Variants in PDZD2 observed in about 807,000 individuals in gnomAD.
PDZD2 encodes PDZ domain containing 2.
Under a neutral mutation model 220.7 loss-of-function variants are expected in PDZD2, and 90 were observed. That is an observed-to-expected ratio of 0.41 (90% CI 0.34 to 0.49). PDZD2 has a LOEUF of 0.49. Among genes scored for constraint, PDZD2 ranks in the 20% least tolerant of loss-of-function variants. The pLI is 0.28. For synonymous variants in PDZD2, 1,375 were observed against 1,450.5 expected (o/e 0.95, Z 1.18); for missense variants, 3,174 against 3,608.5 (o/e 0.88, Z 3.08).
chr5:31,667,118 C>A (rs1328166750), intron 1 of PDZD2, among the ~76,000 whole-genome samples: 1 of 151,752 alleles, frequency 6.6e-6, no homozygotes, highest in Non-Finnish European at 1.5e-5. Flanking sequence ...CGCCTGTAGT[C>A]CCAGCTACTC....
chr5:31,948,461 T>G (rs1746860623), intron 2 of PDZD2, among the ~76,000 whole-genome samples: 1 of 152,182 alleles, frequency 6.6e-6, no homozygotes, highest in African/African-American at 2.4e-5. Flanking sequence ...AGCAAAGAGA[T>G]ATCCCTAGAA....
At chr5:32,101,438 A>G (rs932842364) in intron 24 of PDZD2, among the ~76,000 whole-genome samples, 199 bp downstream of exon 24, 2 of 152,226 alleles carry the variant, frequency 1.3e-5, no homozygotes, top group Non-Finnish European at 1.5e-5. Context: ...GGGTGTCATC[A>G]TTATCCCTAT....
intron 1 of PDZD2, among the ~76,000 whole-genome samples, chr5:31,656,953 C>T (rs867965382): frequency 5.9e-5 from 9 of 152,192 alleles, no homozygotes; most frequent in East Asian, 3.9e-4. Flanking sequence ...TCAGGTAACC[C>T]GATACACTGG....
At chr5:31,911,883 A>C (rs1263399648) in intron 2 of PDZD2, among the ~76,000 whole-genome samples, 1 of 152,164 alleles carries the variant, frequency 6.6e-6, no homozygotes, top group Admixed American at 6.5e-5. Flanking sequence ...TGTCACTCAC[A>C]CTGCATCCAG....
At chr5:32,031,631 T>C (rs923231595) in intron 6 of PDZD2, among the ~76,000 whole-genome samples, 1 of 152,216 alleles carries the variant, frequency 6.6e-6, no homozygotes, top group Non-Finnish European at 1.5e-5. Context: ...AATGTATATC[T>C]CTGCAGTCTA....
chr5:31,892,991 G>A (rs1344723345), intron 2 of PDZD2, among the ~76,000 whole-genome samples: 3 of 152,226 alleles, frequency 2.0e-5, no homozygotes, highest in African/African-American at 7.2e-5. Context: ...AGGAGCAATG[G>A]AGAGGGCAAG....
chr5:32,077,353 G>T (rs1053518601), intron 18 of PDZD2, 109 bp from the exon 19 acceptor site: 7 of 1,054,720 alleles, frequency 6.6e-6, no homozygotes, highest in South Asian at 1.4e-5. Context: ...CTAGTCCAGG[G>T]CCCCTTTGCC....
intron 1 of PDZD2, among the ~76,000 whole-genome samples, chr5:31,784,306 C>T (rs1330060887): frequency 6.6e-6 from 1 of 152,146 alleles, no homozygotes; most frequent in East Asian, 1.9e-4. Flanking sequence ...TTCTTCGCAG[C>T]CCCGAACTTA....
At chr5:31,764,132 C>T (rs1488831694) in intron 1 of PDZD2, among the ~76,000 whole-genome samples, 3 of 152,164 alleles carry the variant, frequency 2.0e-5, no homozygotes, top group Admixed American at 1.3e-4. Context: ...ACTTTTTACA[C>T]GCTTCCATCC....
At chr5:31,699,794 T>G (rs967145175) in intron 1 of PDZD2, among the ~76,000 whole-genome samples, 8 of 150,166 alleles carry the variant, frequency 5.3e-5, no homozygotes, top group Non-Finnish European at 1.0e-4. Flanking sequence ...TTTTTTTTGT[T>G]TTTTTTTTGG....
At chr5:31,847,928 C>T in intron 2 of PDZD2, 2 of 461,502 alleles carry the variant, frequency 4.3e-6, no homozygotes, top group South Asian at 3.5e-5. Flanking sequence ...TTACCAGAAA[C>T]CATTCTCTCA....
rs765739577 is a variant in PDZD2 at position 32,057,839 on chromosome 5, C to T, written c.1975-39C>T. On this transcript the variant is annotated intron_variant, in intron 11 of 24. Coordinates refer to ENST00000438447, the MANE Select transcript of PDZD2 (RefSeq NM_178140.4). ...TTTAACCCTTTGATATAAGGACATT[C>T]CAAATGTTTCAGCCCACCTTTCCTC... is the stretch of plus-strand genomic sequence containing the variant. 4.9e-6 allele frequency: 7 copies of T among 1,442,454 alleles called. No individual in the cohort carries two copies. The Admixed American group carries it at 6.8e-5, about 14-fold the overall frequency. 89.4% of individuals were successfully genotyped at this position (1,442,454 alleles called of 1,614,324 possible).
chr5:32,022,171 C>T (rs1244007634), intron 6 of PDZD2, among the ~76,000 whole-genome samples: 1 of 143,002 alleles, frequency 7.0e-6, no homozygotes, highest in African/African-American at 2.6e-5. Context: ...CTTCTTTTTT[C>T]GTTTTGTTTT....
intron 2 of PDZD2, among the ~76,000 whole-genome samples, chr5:31,959,155 A>G (rs188920651): frequency 3.3e-5 from 5 of 150,366 alleles, no homozygotes; most frequent in Non-Finnish European, 5.9e-5. Flanking sequence ...CTGGTCTTCA[A>G]CTACTGACCT....
At chr5:32,014,366 C>T (rs1224284572) in intron 6 of PDZD2, among the ~76,000 whole-genome samples, 1 of 152,178 alleles carries the variant, frequency 6.6e-6, no homozygotes, top group Non-Finnish European at 1.5e-5. Context: ...AGATTTTCCT[C>T]TCAGAAAGCT....
At chr5:31,953,473 A>G (rs1481101330) in intron 2 of PDZD2, among the ~76,000 whole-genome samples, 1 of 152,166 alleles carries the variant, frequency 6.6e-6, no homozygotes, top group East Asian at 1.9e-4. Context: ...GCAGGAAGTC[A>G]TAAAGGAAAA....
At chr5:31,795,645 C>G (rs1020732847) in intron 1 of PDZD2, among the ~76,000 whole-genome samples, 5 of 152,262 alleles carry the variant, frequency 3.3e-5, no homozygotes, top group Middle Eastern at 3.4e-3. Flanking sequence ...CTGTATCTTC[C>G]CTGAGTCAAT....
Position 32,087,927 on chromosome 5 carries a change from C to T in PDZD2, c.4479C>T (p.Ala1493=). Reference sequence around the variant, plus strand: ...GGGCCTGGGCTGCTGGTGCCCCCGCCTACCCACAATGGGCCTCCCAGCCTT... The same window carrying T: ...GGGCCTGGGCTGCTGGTGCCCCCGCTTACCCACAATGGGCCTCCCAGCCTT... The part of the protein sequence containing the change: ...PRRAWAAGAP[A]YPQWASQPSV... The change falls in exon 20 of 25, where the codon GCC becomes GCT. Residue 1493 remains alanine, a synonymous_variant. Transcript: ENST00000438447. This position sits in a 1 kb window ranked among gnomAD's most constrained non-coding sequence, Gnocchi z 4.0. 6.2e-7 allele frequency: 1 copy of T among 1,613,992 alleles called. No individual in the cohort carries two copies. Among genetic ancestry groups the T allele is most frequent in the Non-Finnish European group, 8.5e-7 (1 of 1,179,952 alleles).
intron 2 of PDZD2, among the ~76,000 whole-genome samples, chr5:31,918,220 A>G (rs533882863): frequency 6.6e-6 from 1 of 152,262 alleles, no homozygotes; most frequent in South Asian, 2.1e-4. Context: ...TCCTCCAACA[A>G]TGGGGATTAA....
Sources: gnomAD v4.1 joint callset for allele counts (sites outside exome capture counted in the v4.1 genomes callset) on GRCh38, gnomAD v4.1.1 for gene constraint, Gnocchi (gnomAD v3.1) non-coding constraint, MANE v1.5 for transcripts, NCBI Gene and HGNC (gene_info 2026-07-23, HGNC 2026-07-21) for gene names.